GPCPD1: variants seen among roughly 807,000 people sequenced by gnomAD.
GPCPD1 encodes glycerophosphocholine phosphodiesterase 1, also known as glycerophosphocholine phosphodiesterase GPCPD1.
In GPCPD1, 29 loss-of-function variants were observed where a neutral mutation model predicts 89.2. The ratio of observed to expected loss-of-function variants is 0.33; its 90% CI spans 0.24 to 0.44. The LOEUF (loss-of-function observed/expected upper bound fraction) is 0.44, where lower values mean the gene tolerates loss of function less well. Among genes scored for constraint, GPCPD1 ranks in the 20% least tolerant of loss-of-function variants. The probability of loss-of-function intolerance (pLI) is 1.00; values close to 1 mark genes in which losing one functional copy is unlikely to be tolerated. For synonymous variants in GPCPD1, 258 were observed against 266.3 expected (o/e 0.97, Z 0.30); for missense variants, 594 against 808.9 (o/e 0.73, Z 3.22).
At chr20:5,572,957 A>T (rs1349031147) in intron 11 of GPCPD1, among the ~76,000 whole-genome samples, 1 of 152,116 alleles carries the variant, frequency 6.6e-6, no homozygotes, top group African/African-American at 2.4e-5. Flanking sequence ...TTGTAGCCTC[A>T]AACTCCTGGG....
chr20:5,591,551 A>G (rs138019557), intron 4 of GPCPD1, among the ~76,000 whole-genome samples: 2 of 152,206 alleles, frequency 1.3e-5, no homozygotes, highest in African/African-American at 4.8e-5. Context: ...CAGCTTTTTA[A>G]TGCTTTCATT....
intron 11 of GPCPD1, among the ~76,000 whole-genome samples, chr20:5,571,406 C>G (rs1568655829): frequency 6.6e-6 from 1 of 152,104 alleles, no homozygotes; most frequent in Non-Finnish European, 1.5e-5. Context: ...TAGTAGAAGA[C>G]AAAACTTAAT....
At chr20:5,552,298 C>T (rs1985463260) in intron 19 of GPCPD1, among the ~76,000 whole-genome samples, 1 of 152,186 alleles carries the variant, frequency 6.6e-6, no homozygotes, top group Non-Finnish European at 1.5e-5. Context: ...GATTTACACT[C>T]TTGCCTCTGC....
intron 11 of GPCPD1, 115 bp downstream of exon 11, chr20:5,573,800 G>T: frequency 2.6e-6 from 2 of 763,008 alleles, no homozygotes; most frequent in Non-Finnish European, 4.7e-6. Flanking sequence ...CTTCACCATG[G>T]ATCTGAATAT....
chr20:5,549,545 T>G, intron 19 of GPCPD1: 1 of 940,200 alleles, frequency 1.1e-6, no homozygotes, highest in Non-Finnish European at 1.6e-6. Flanking sequence ...CAATCGAGAT[T>G]TTGGAGCTGA....
intron 19 of GPCPD1, among the ~76,000 whole-genome samples, chr20:5,555,266 A>G (rs1021151704): frequency 1.2e-4 from 18 of 152,272 alleles, no homozygotes; most frequent in African/African-American, 3.8e-4. Context: ...TGGGGCAGGG[A>G]GTGGTGGCCA....
At chr20:5,564,607 A>G (rs1272986888) in intron 15 of GPCPD1, among the ~76,000 whole-genome samples, 3 of 152,188 alleles carry the variant, frequency 2.0e-5, no homozygotes, top group East Asian at 1.9e-4. Flanking sequence ...GCTGGGGGAC[A>G]GCGTAAGTCC....
intron 3 of GPCPD1, among the ~76,000 whole-genome samples, chr20:5,594,250 G>A: frequency 6.6e-6 from 1 of 152,060 alleles, no homozygotes; most frequent in African/African-American, 2.4e-5. Context: ...AGGAACTCTG[G>A]GGGTGGGGGC....
At position 5,604,370 on chromosome 20, in the gene GPCPD1, A is replaced by G; in HGVS notation, c.43T>C (p.Leu15=). ...QVAFEIRGTL[L]PGEVFAICGS... is the part of the protein sequence containing the mutation. ...AGTAAAACTTTTACAATACCTGGTAAAAGAGTTCCTCTTATTTCAAAGGCA... is the reference window on the plus strand; with the variant it reads ...AGTAAAACTTTTACAATACCTGGTAGAAGAGTTCCTCTTATTTCAAAGGCA... Residue 15 remains leucine (L), a synonymous_variant, in exon 2 of 20, where the codon TTA becomes CTA. Coordinates refer to ENST00000379019, the MANE Select transcript of GPCPD1 (RefSeq NM_019593.5). 1 of 1,475,184 alleles carries G rather than the reference A, an allele frequency of 6.8e-7. No individual in the cohort carries two copies. The highest frequency in any genetic ancestry group is 9.4e-7 in the Non-Finnish European group (1 of 1,058,374). The allele number at this position is 1,475,184 out of a possible 1,614,324, so 91.4% of individuals were successfully genotyped here. A position where few individuals can be genotyped will look rare whatever the true frequency, so the allele number is the denominator to read the frequency against.
intron 19 of GPCPD1, among the ~76,000 whole-genome samples, chr20:5,548,689 C>T (rs534675778): frequency 6.6e-6 from 1 of 152,218 alleles, no homozygotes; most frequent in African/African-American, 2.4e-5. Flanking sequence ...ACCCAAGAGA[C>T]AAAGCTACAA....
chr20:5,603,551 A>G (rs1489818135), intron 2 of GPCPD1, among the ~76,000 whole-genome samples: 2 of 152,122 alleles, frequency 1.3e-5, no homozygotes, highest in Non-Finnish European at 2.9e-5. Context: ...CTGAAAGGCC[A>G]GTATAGCCAG....
At chr20:5,556,750 T>G (rs1279290147) in intron 19 of GPCPD1, among the ~76,000 whole-genome samples, 1 of 152,246 alleles carries the variant, frequency 6.6e-6, no homozygotes, top group African/African-American at 2.4e-5. Context: ...AATAAATTAT[T>G]TGACTCCCTA....
At chr20:5,577,754 T>C (rs1295935647) in intron 8 of GPCPD1, among the ~76,000 whole-genome samples, 1 of 152,012 alleles carries the variant, frequency 6.6e-6, no homozygotes, top group Admixed American at 6.6e-5. Flanking sequence ...AACCACTACA[T>C]ACCACTACCG....
intron 6 of GPCPD1, among the ~76,000 whole-genome samples, chr20:5,580,930 G>C (rs569613930): frequency 6.7e-6 from 1 of 150,204 alleles, no homozygotes; most frequent in Non-Finnish European, 1.5e-5. Context: ...CTAGAGTGCA[G>C]TGGCACGATC....
At chr20:5,574,462 C>T (rs983125407) in intron 10 of GPCPD1, among the ~76,000 whole-genome samples, 5 of 152,214 alleles carry the variant, frequency 3.3e-5, no homozygotes, top group Middle Eastern at 3.4e-3. Flanking sequence ...TGAGAAGTTG[C>T]GGTGGCTCAC....
intron 14 of GPCPD1, among the ~76,000 whole-genome samples, chr20:5,566,397 G>A (rs1266737482): frequency 1.3e-5 from 2 of 152,180 alleles, no homozygotes; most frequent in South Asian, 2.1e-4. Context: ...GGTCATAACA[G>A]GTAAATGAAG....
chr20:5,571,389 A>T (rs1986704620), intron 11 of GPCPD1, among the ~76,000 whole-genome samples: 1 of 152,244 alleles, frequency 6.6e-6, no homozygotes, highest in Non-Finnish European at 1.5e-5. Flanking sequence ...CTTATAGAAA[A>T]TAATTTTAGT....
In GPCPD1 at chr20:5,567,483, C is replaced by T. The variant is rs762533840; in HGVS notation, c.1227G>A (p.Lys409=). 5.1e-6 allele frequency: 8 copies of T among 1,562,852 alleles called. No individual in the cohort carries two copies. Among genetic ancestry groups the T allele is most frequent in the Non-Finnish European group, 6.9e-6 (8 of 1,162,344 alleles). Residue 409 remains lysine, a splice_region_variant and synonymous_variant, in exon 13 of 20, where the codon AAG becomes AAA. Transcript: ENST00000379019. ...TTACATTTCATGTTATTATTACTAC[C>T]TTTAACAACTGGAGTTGGTCAAATG... is the stretch of plus-strand genomic sequence containing the variant. The part of the protein sequence containing the change: ...ELTFDQLQLL[K]LTHVTALKSK...
chr20:5,580,501 G>A (rs373406422), intron 6 of GPCPD1, among the ~76,000 whole-genome samples: 26 of 152,160 alleles, frequency 1.7e-4, no homozygotes, highest in African/African-American at 2.6e-4. Context: ...CGAGGCAGGC[G>A]GATTACGAAG....
Sources: gnomAD v4.1 joint callset for allele counts (sites outside exome capture counted in the v4.1 genomes callset) on GRCh38, gnomAD v4.1.1 for gene constraint, MANE v1.5 for transcripts, NCBI Gene and HGNC (gene_info 2026-07-23, HGNC 2026-07-21) for gene names.